PERP: variants seen among roughly 807,000 people sequenced by gnomAD.
PERP encodes p53 apoptosis effector related to PMP22, also known as p53 apoptosis effector related to PMP-22.
A neutral mutation model predicts 20.3 loss-of-function variants in PERP; 11 were observed. The ratio of observed to expected loss-of-function variants is 0.54; its 90% CI spans 0.34 to 0.90. The LOEUF (loss-of-function observed/expected upper bound fraction) is 0.90, where lower values mean the gene tolerates loss of function less well. PERP is among the 40% of genes least tolerant of loss of function. PERP has a pLI of 0.02. For synonymous variants in PERP, 101 were observed against 102.0 expected (o/e 0.99, Z 0.06); for missense variants, 224 against 249.4 (o/e 0.90, Z 0.69).
intron 1 of PERP, among the ~76,000 whole-genome samples, chr6:138,106,607 ATATC>A (rs1296462590): frequency 6.6e-6 from 1 of 152,246 alleles, no homozygotes; most frequent in Admixed American, 6.5e-5. Flanking sequence ...GTAGACTGAA[ATATC>A]TATTGAAAAC....
At chr6:138,100,542 TTGTGTGTGTGTGTG>T (rs58385691) in intron 1 of PERP, among the ~76,000 whole-genome samples, 1 of 146,174 alleles carries the variant, frequency 6.8e-6, no homozygotes, top group Admixed American at 6.9e-5. Flanking sequence ...TATACCAGAT[TTGTGTGTGTGTGTG>T]TGTGTGTGTG....
intron 1 of PERP, among the ~76,000 whole-genome samples, chr6:138,098,917 T>C (rs1775735033): frequency 6.6e-6 from 1 of 152,114 alleles, no homozygotes; most frequent in Non-Finnish European, 1.5e-5. Context: ...AAGGTTAAAA[T>C]GGGAATGTTT....
chr6:138,107,383 G>C lies in PERP; in HGVS notation c.-43C>G. The C allele has an allele frequency of 7.0e-7, 1 of 1,429,722 alleles. No individual in the cohort carries two copies. The highest frequency in any genetic ancestry group is 9.2e-7 in the Non-Finnish European group (1 of 1,092,658). The allele number at this position is 1,429,722 out of a possible 1,614,324, so 88.6% of individuals were successfully genotyped here. On this transcript the variant is annotated 5_prime_UTR_variant, in exon 1 of 3. Transcript: ENST00000421351. The surrounding 1 kb of genome is among the most constrained non-coding windows in gnomAD (Gnocchi z 4.8). The stretch of plus-strand genomic sequence containing the variant: ...GGCCGAGCGGAGCGGAGCGGAGCGG[G>C]TCGGAGGAGCGCGCGGGACGGGCGA...
chr6:138,106,903 C>CTTTTTTTTTTTTTTTTT lies in PERP; in HGVS notation c.214+223_214+224insAAAAAAAAAAAAAAAAA, dbSNP rs577977770. 3.6e-3 allele frequency among the ~76,000 whole-genome samples: 483 copies of CTTTTTTTTTTTTTTTTT among 134,284 alleles called. 8 individuals carry two copies. The highest frequency in any genetic ancestry group is 0.01 in the African/African-American group (375 of 35,850). The allele number at this position is 134,284 out of a possible 152,430, so 88.1% of individuals were successfully genotyped here. A position where few individuals can be genotyped will look rare whatever the true frequency, so the allele number is the denominator to read the frequency against. ...AAAACTATACAGTTTGAACTACGGC[C>CTTTTTTTTTTTTTTTTT]TTTTTTTTTTTTCTGTTTCTGAGCT... On this transcript the variant is annotated intron_variant, in intron 1 of 2. Transcript: ENST00000421351.
At position 138,091,035 on chromosome 6, in the gene PERP, G is replaced by A. The variant is rs560147981; in HGVS notation, c.*1007C>T. 1 of 152,450 alleles carries A rather than the reference G, an allele frequency of 6.6e-6. No individual in the cohort carries two copies. Among genetic ancestry groups the A allele is most frequent in the East Asian group, 1.9e-4 (1 of 5,190 alleles). 9.4% of individuals were successfully genotyped at this position (152,450 alleles called of 1,614,324 possible). On this transcript the variant is annotated 3_prime_UTR_variant, in exon 3 of 3. Transcript: ENST00000421351. Reference sequence around the variant, plus strand: ...AAATCTGTTTACCAAGAAAGACCAGGATTTTAACTATATGTAGGTTTCTGC... The same window carrying A: ...AAATCTGTTTACCAAGAAAGACCAGAATTTTAACTATATGTAGGTTTCTGC...
At chr6:138,100,402 A>C (rs1297949301) in intron 1 of PERP, among the ~76,000 whole-genome samples, 2 of 152,188 alleles carry the variant, frequency 1.3e-5, no homozygotes, top group Non-Finnish European at 2.9e-5. Context: ...CCCACTGGAA[A>C]ACATCAATTT....
Position 138,106,137 on chromosome 6 carries a change from G to C in PERP, c.214+990C>G, listed in dbSNP as rs554546705. 2.0e-5 allele frequency among the ~76,000 whole-genome samples: 3 copies of C among 152,200 alleles called. No individual in the cohort carries two copies. In the South Asian group the frequency reaches 6.2e-4, roughly 32 times the overall value. ...AATAGTAAGAAATGAAAACAGGCAG[G>C]GTAGCTTGCTGTCTGTGTTTAAAAC... On this transcript the variant is annotated intron_variant, in intron 1 of 2. Transcript: ENST00000421351.
intron 1 of PERP, among the ~76,000 whole-genome samples, chr6:138,098,969 TAGTA>T (rs1429766220): frequency 6.6e-6 from 1 of 152,196 alleles, no homozygotes; most frequent in African/African-American, 2.4e-5. Context: ...TGTTAAAACT[TAGTA>T]AGTCTCTTTT....
Position 138,092,220 on chromosome 6 carries a change from TG to T in PERP, c.403del (p.Gln135ArgfsTer29), listed in dbSNP as rs1430450882. 2 of 1,613,988 alleles carry T rather than the reference TG, an allele frequency of 1.2e-6. No individual in the cohort carries two copies. The highest frequency in any genetic ancestry group is 2.7e-5 in the African/African-American group (2 of 74,920). On this transcript the variant is annotated frameshift_variant, in exon 3 of 3. Transcript: ENST00000421351. LOFTEE classifies it high-confidence loss of function. Reference sequence around the variant, plus strand: ...AGGGTTGGCATGAAGGGTGAAGGTCTGGGTGTACTTCACGGGGTAAATTACC... The same window carrying T: ...AGGGTTGGCATGAAGGGTGAAGGTCTGGTGTACTTCACGGGGTAAATTACC... ...SLVIYPVKYT[Q>X]TFTLHANPAV...
intron 1 of PERP, among the ~76,000 whole-genome samples, chr6:138,098,335 G>T (rs940770682): frequency 1.3e-5 from 2 of 152,126 alleles, no homozygotes; most frequent in African/African-American, 4.8e-5. Flanking sequence ...GGCAGAAAGA[G>T]CAAGGGTGTT....
chr6:138,092,293 G>T (rs1362132721), intron 2 of PERP, 25 bp from the exon 3 acceptor site: 2 of 1,562,134 alleles, frequency 1.3e-6, no homozygotes, highest in Non-Finnish European at 1.8e-6. Context: ...AAAATCCCAG[G>T]GTATGAATGC....
At chr6:138,099,631 T>C (rs1483978545) in intron 1 of PERP, among the ~76,000 whole-genome samples, 1 of 152,222 alleles carries the variant, frequency 6.6e-6, no homozygotes, top group Non-Finnish European at 1.5e-5. Context: ...AAATAAATTA[T>C]GTATGATATT....
At chr6:138,096,618 GT>G (rs1775699480) in intron 1 of PERP, 124 bp from the exon 2 acceptor site, 1 of 1,099,142 alleles carries the variant, frequency 9.1e-7, no homozygotes, top group Non-Finnish European at 1.3e-6. Context: ...TGGAGGGACA[GT>G]TTTTCTTTTG....
In PERP at chr6:138,106,288, A is replaced by G. The variant is rs986657811; in HGVS notation, c.214+839T>C. Among the ~76,000 whole-genome samples, 54 of 152,042 alleles carry G rather than the reference A, an allele frequency of 3.6e-4. 2 individuals carry two copies. On this transcript the variant is annotated intron_variant, in intron 1 of 2. Coordinates refer to ENST00000421351, the MANE Select transcript of PERP (RefSeq NM_022121.5). ...CCAGCTGTGATTCCCATCCACCCCC[A>G]GGAAAGGAGAGGGGGCTTCCCACTG...
chr6:138,095,696 A>C (rs1000890478), intron 2 of PERP, among the ~76,000 whole-genome samples: 1 of 152,144 alleles, frequency 6.6e-6, no homozygotes, highest in Non-Finnish European at 1.5e-5. Context: ...AGATTTCCTT[A>C]GTGCCACAGA....
intron 1 of PERP, among the ~76,000 whole-genome samples, chr6:138,100,168 C>T (rs998938715): frequency 4.6e-5 from 7 of 152,178 alleles, no homozygotes; most frequent in African/African-American, 1.7e-4. Flanking sequence ...GTCCTCCCAG[C>T]CCACCGTTCT....
At chr6:138,096,163 C>T (rs997754360) in intron 2 of PERP, among the ~76,000 whole-genome samples, 191 bp downstream of exon 2, 21 of 152,174 alleles carry the variant, frequency 1.4e-4, no homozygotes, top group African/African-American at 5.1e-4. Context: ...CAGAACACTG[C>T]GTGAGCCACA....
chr6:138,093,390 T>C (rs1320090190), intron 2 of PERP, among the ~76,000 whole-genome samples: 1 of 152,136 alleles, frequency 6.6e-6, no homozygotes, highest in Non-Finnish European at 1.5e-5. Flanking sequence ...CTTCATTTTT[T>C]TTTTTCACTG....
intron 2 of PERP, among the ~76,000 whole-genome samples, chr6:138,095,322 T>G (rs920803182): frequency 2.6e-5 from 4 of 152,012 alleles, no homozygotes; most frequent in African/African-American, 9.7e-5. Context: ...GGACTGTGCA[T>G]GTACCAGCTG....
Sources: gnomAD v4.1 joint callset for allele counts (sites outside exome capture counted in the v4.1 genomes callset) on GRCh38, gnomAD v4.1.1 for gene constraint, Gnocchi (gnomAD v3.1) non-coding constraint, MANE v1.5 for transcripts, NCBI Gene and HGNC (gene_info 2026-07-23, HGNC 2026-07-21) for gene names.